Variants in EYS observed in about 807,000 individuals in gnomAD.
EYS encodes protein eyes shut homolog.
A neutral mutation model predicts 282.1 loss-of-function variants in EYS; 250 were observed. The ratio of observed to expected loss-of-function variants is 0.89; its 90% confidence interval spans 0.80 to 0.98. The LOEUF is 0.98. Ranked by LOEUF, EYS falls within the 50% of genes least tolerant of loss-of-function variation. The probability of loss-of-function intolerance (pLI) is 0.00; values close to 1 mark genes in which losing one functional copy is unlikely to be tolerated. For synonymous variants in EYS, 1,355 were observed against 1,282.9 expected, an observed-to-expected ratio of 1.06 and a Z score of -1.20; for missense variants, 4,016 against 3,709.0, an observed-to-expected ratio of 1.08 and a Z score of -2.15.
At chr6:63,784,393 T>A (rs1368848266) in intron 39 of EYS, among the ~76,000 whole-genome samples, 4 of 152,046 alleles carry the variant, frequency 2.6e-5, no homozygotes, top group Non-Finnish European at 5.9e-5. Flanking sequence ...AATACATGGG[T>A]TTTGGAATGT....
At chr6:64,019,857 T>G in intron 33 of EYS, among the ~76,000 whole-genome samples, 1 of 145,764 alleles carries the variant, frequency 6.9e-6, no homozygotes, top group South Asian at 2.1e-4. Flanking sequence ...TAAGTATATA[T>G]ATATATATAT....
At chr6:65,673,704 CTTGGGTGAT>C (rs1434513132) in intron 1 of EYS, among the ~76,000 whole-genome samples, 1 of 151,948 alleles carries the variant, frequency 6.6e-6, no homozygotes, top group East Asian at 2.0e-4. Context: ...TGAGAAACTG[CTTGGGTGAT>C]TTGATTAATA....
chr6:64,348,039 T>C (rs574708669), intron 29 of EYS, among the ~76,000 whole-genome samples: 1 of 151,438 alleles, frequency 6.6e-6, no homozygotes, highest in Non-Finnish European at 1.5e-5. Context: ...TATATTTTAA[T>C]ATTTAAAATT....
chr6:65,210,139 G>T (rs1356415495), intron 12 of EYS, among the ~76,000 whole-genome samples: 6 of 152,026 alleles, frequency 3.9e-5, no homozygotes, highest in Non-Finnish European at 8.8e-5. Context: ...AACATGAAAT[G>T]TCCAAAACAT....
At chr6:64,807,238 T>G (rs1480605646) in intron 22 of EYS, among the ~76,000 whole-genome samples, 1 of 152,178 alleles carries the variant, frequency 6.6e-6, no homozygotes, top group African/African-American at 2.4e-5. Context: ...CATATATTTT[T>G]TTCTTTTGTA....
intron 31 of EYS, among the ~76,000 whole-genome samples, chr6:64,097,068 A>T (rs571309286): frequency 2.7e-4 from 41 of 152,238 alleles, no homozygotes; most frequent in Non-Finnish European, 4.6e-4. Flanking sequence ...AGAACAGCAG[A>T]TATTGGTGAA....
chr6:65,704,896 T>C (rs546517444), intron 1 of EYS, among the ~76,000 whole-genome samples: 1 of 152,342 alleles, frequency 6.6e-6, no homozygotes, highest in African/African-American at 2.4e-5. Context: ...TCATTCAAAG[T>C]TGAAAATTGT....
chr6:64,251,595 G>A (rs1367330126), intron 30 of EYS, among the ~76,000 whole-genome samples: 1 of 152,066 alleles, frequency 6.6e-6, no homozygotes, highest in African/African-American at 2.4e-5. Flanking sequence ...GCAGCTATGT[G>A]GTTCTCCCAA....
chr6:64,555,217 C>T (rs749807244), intron 26 of EYS, among the ~76,000 whole-genome samples: 1 of 151,622 alleles, frequency 6.6e-6, no homozygotes, highest in South Asian at 2.1e-4. Flanking sequence ...CTATTATTTC[C>T]TACAACATGG....
intron 12 of EYS, among the ~76,000 whole-genome samples, chr6:65,258,321 C>T (rs72883269): frequency 0.079 from 11,963 of 151,956 alleles, 631 homozygotes; most frequent in Non-Finnish European, 0.12. Context: ...GCAGCACTTT[C>T]CATTCAAAGT....
At chr6:64,828,350 T>C (rs1222486695) in intron 19 of EYS, among the ~76,000 whole-genome samples, 1 of 151,924 alleles carries the variant, frequency 6.6e-6, no homozygotes, top group African/African-American at 2.4e-5. Flanking sequence ...TGTAAAGAGA[T>C]AACGGACATG....
At chr6:65,658,896 T>TAAA in intron 1 of EYS, among the ~76,000 whole-genome samples, 1 of 150,926 alleles carries the variant, frequency 6.6e-6, no homozygotes, top group African/African-American at 2.4e-5. Flanking sequence ...GCAAGCATTA[T>TAAA]AAAAATGATC....
intron 35 of EYS, among the ~76,000 whole-genome samples, chr6:63,868,644 G>T (rs1337935711): frequency 1.3e-5 from 2 of 152,090 alleles, no homozygotes; most frequent in African/African-American, 4.8e-5. Flanking sequence ...CTATGTATCG[G>T]CTCTGATAGC....
intron 22 of EYS, among the ~76,000 whole-genome samples, chr6:64,781,900 C>T (rs1393513062): frequency 6.6e-6 from 1 of 152,112 alleles, no homozygotes; most frequent in African/African-American, 2.4e-5. Context: ...ATTATGTTTC[C>T]TCTCATAAAA....
At chr6:65,576,472 A>T (rs1208303115) in intron 2 of EYS, among the ~76,000 whole-genome samples, 1 of 151,994 alleles carries the variant, frequency 6.6e-6, no homozygotes, top group Non-Finnish European at 1.5e-5. Flanking sequence ...AGCTAACATT[A>T]TACTAAATGG....
intron 19 of EYS, among the ~76,000 whole-genome samples, chr6:64,871,831 A>T (rs978462823): frequency 6.6e-6 from 1 of 152,062 alleles, no homozygotes. Context: ...TAAATCTCAG[A>T]TGTTTAAAGG....
intron 19 of EYS, among the ~76,000 whole-genome samples, chr6:64,862,325 T>G (rs1368427749): frequency 6.6e-6 from 1 of 152,228 alleles, no homozygotes; most frequent in Non-Finnish European, 1.5e-5. Context: ...TGAAGGTTTG[T>G]CTTGTCACCT....
chr6:64,584,812 TC>T (rs1457151132), intron 26 of EYS, among the ~76,000 whole-genome samples: 1 of 152,136 alleles, frequency 6.6e-6, no homozygotes, highest in Non-Finnish European at 1.5e-5. Flanking sequence ...ATGCTTAAGA[TC>T]ATTTTTTGGC....
intron 12 of EYS, among the ~76,000 whole-genome samples, chr6:65,176,093 A>G (rs948921788): frequency 6.6e-6 from 1 of 151,468 alleles, no homozygotes; most frequent in Admixed American, 6.6e-5. Context: ...TGTGTGAGAG[A>G]GAGCACTTAT....
Sources: gnomAD v4.1 joint callset for allele counts (sites outside exome capture counted in the v4.1 genomes callset) on GRCh38, gnomAD v4.1.1 for gene constraint, MANE v1.5 for transcripts, NCBI Gene and HGNC (gene_info 2026-07-23, HGNC 2026-07-21) for gene names.